Variants in DENND2A observed in about 807,000 individuals in gnomAD.
DENND2A encodes DENN domain containing 2A, also known as DENN domain-containing protein 2A.
DENND2A carries 53 observed loss-of-function variants against 105.3 expected under a neutral mutation model. The observed-to-expected ratio is 0.50, with a 90% CI of 0.40 to 0.63. The LOEUF (loss-of-function observed/expected upper bound fraction) is 0.63. DENND2A is among the 30% of genes least tolerant of loss of function. DENND2A has a pLI of 0.00. For missense variants in DENND2A, 1,138 were observed against 1,279.6 expected (o/e 0.89, Z 1.69); for synonymous variants, 522 against 508.4 (o/e 1.03, Z -0.36).
intron 9 of DENND2A, among the ~76,000 whole-genome samples, chr7:140,564,738 T>C (rs1172961659): frequency 6.6e-6 from 1 of 152,192 alleles, no homozygotes; most frequent in African/African-American, 2.4e-5. Flanking sequence ...TGGTGAGTCA[T>C]TAATTAACTA....
At chr7:140,560,913 G>A (rs971457638) in intron 9 of DENND2A, among the ~76,000 whole-genome samples, 2 of 151,692 alleles carry the variant, frequency 1.3e-5, no homozygotes, top group African/African-American at 2.4e-5. Flanking sequence ...CAGCCTGGGC[G>A]ACAGAACAAG....
intron 3 of DENND2A, among the ~76,000 whole-genome samples, chr7:140,596,934 T>C (rs10270838): frequency 0.12 from 18,776 of 152,226 alleles, 3,232 homozygotes; most frequent in African/African-American, 0.39. Flanking sequence ...GTTAATGTTG[T>C]TGTAGGAACC....
chr7:140,573,616 C>G (rs1318757508), intron 6 of DENND2A, among the ~76,000 whole-genome samples, 192 bp downstream of exon 6: 1 of 152,148 alleles, frequency 6.6e-6, no homozygotes, highest in African/African-American at 2.4e-5. Flanking sequence ...AGGAAGACCA[C>G]AGGACCACAA....
chr7:140,566,684 ATTTT>A (rs3043058), intron 9 of DENND2A, among the ~76,000 whole-genome samples: 33 of 113,214 alleles, frequency 2.9e-4, no homozygotes, highest in South Asian at 2.3e-3. Flanking sequence ...TGGCCATACT[ATTTT>A]TTTTTTTTTT....
At position 140,569,626 on chromosome 7, in the gene DENND2A, C is replaced by G. The variant is rs141096765; in HGVS notation, c.1540+19G>C. 1,551 of 1,536,520 alleles carry G rather than the reference C, an allele frequency of 1.0e-3. 19 individuals are homozygous for G. In the African/African-American group the frequency reaches 0.018, roughly 18 times the overall value. On this transcript the variant is annotated intron_variant, in intron 7 of 19. Transcript: ENST00000496613. ...TTTTCCGATTCTTGCGGGAGGAGGGCTGGTGGTGGGGGTTCTACCTTTTCC... is the reference window on the plus strand; with the variant it reads ...TTTTCCGATTCTTGCGGGAGGAGGGGTGGTGGTGGGGGTTCTACCTTTTCC...
chr7:140,640,152 C>G lies in DENND2A; in HGVS notation c.-248+352G>C, dbSNP rs943283116. ...ACACTCACACACAGACACACAAGCG[C>G]GCACACACACACACGCGCGCGCGCG... is the stretch of plus-strand genomic sequence containing the variant. On this transcript the variant is annotated intron_variant, in intron 1 of 19. Coordinates refer to ENST00000496613, the MANE Select transcript of DENND2A (RefSeq NM_015689.5). This position sits in a 1 kb window ranked among gnomAD's most constrained non-coding sequence, Gnocchi z 4.9. The G allele has an allele frequency of 6.7e-6, 1 of 149,920 alleles. No individual in the cohort carries two copies. Among genetic ancestry groups the G allele is most frequent in the Non-Finnish European group, 1.5e-5 (1 of 68,752 alleles). The allele number at this position is 149,920 out of a possible 1,614,324, so 9.3% of individuals were successfully genotyped here.
intron 5 of DENND2A, among the ~76,000 whole-genome samples, chr7:140,581,676 G>T (rs1258731516): frequency 6.6e-6 from 1 of 152,216 alleles, no homozygotes; most frequent in South Asian, 2.1e-4. Flanking sequence ...TGGATGAGCA[G>T]AATAATGAGC....
chr7:140,566,379 G>A (rs756830207), intron 9 of DENND2A, among the ~76,000 whole-genome samples: 2 of 152,022 alleles, frequency 1.3e-5, no homozygotes, highest in Admixed American at 6.6e-5. Context: ...CTGCTGACTC[G>A]CCCTGAATTC....
chr7:140,575,877 G>A (rs998605372), intron 5 of DENND2A, among the ~76,000 whole-genome samples: 1 of 151,810 alleles, frequency 6.6e-6, no homozygotes, highest in Admixed American at 6.6e-5. Flanking sequence ...GCTGAGACAG[G>A]ATAATTGCTT....
intron 1 of DENND2A, among the ~76,000 whole-genome samples, chr7:140,634,744 C>T (rs1221175176): frequency 4.6e-5 from 7 of 151,874 alleles, no homozygotes; most frequent in African/African-American, 9.7e-5. Context: ...AGGTGGTGGG[C>T]GCCTGTAGTC....
At chr7:140,611,055 TTA>T (rs1799878380) in intron 1 of DENND2A, among the ~76,000 whole-genome samples, 1 of 152,062 alleles carries the variant, frequency 6.6e-6, no homozygotes, top group African/African-American at 2.4e-5. Flanking sequence ...ATTATTATTA[TTA>T]TTTTTTGAGA....
chr7:140,635,572 G>A (rs1436888464), intron 1 of DENND2A, among the ~76,000 whole-genome samples: 1 of 152,136 alleles, frequency 6.6e-6, no homozygotes, highest in Non-Finnish European at 1.5e-5. Context: ...CTGAAGGGAT[G>A]CCTATGACCT....
At chr7:140,534,047 G>A (rs1055975734) in intron 14 of DENND2A, among the ~76,000 whole-genome samples, 1 of 150,648 alleles carries the variant, frequency 6.6e-6, no homozygotes, top group Non-Finnish European at 1.5e-5. Flanking sequence ...CCAAGTAGCT[G>A]GGATCACAGG....
At chr7:140,524,946 C>T (rs1456282576) in intron 16 of DENND2A, among the ~76,000 whole-genome samples, 1 of 144,786 alleles carries the variant, frequency 6.9e-6, no homozygotes, top group African/African-American at 2.6e-5. Flanking sequence ...AGTGCAGTGG[C>T]GTGATCTCGG....
At chr7:140,562,270 C>T (rs928396759) in intron 9 of DENND2A, among the ~76,000 whole-genome samples, 1 of 152,170 alleles carries the variant, frequency 6.6e-6, no homozygotes, top group African/African-American at 2.4e-5. Context: ...TGATGGTCAA[C>T]AAGCCTTCCC....
intron 1 of DENND2A, among the ~76,000 whole-genome samples, chr7:140,633,918 C>G (rs1461427849): frequency 1.3e-5 from 2 of 152,090 alleles, no homozygotes; most frequent in Non-Finnish European, 2.9e-5. Flanking sequence ...ACAATGCTGC[C>G]ACAAATACTC....
At chr7:140,582,267 G>A (rs968358400) in intron 5 of DENND2A, among the ~76,000 whole-genome samples, 5 of 151,958 alleles carry the variant, frequency 3.3e-5, no homozygotes, top group African/African-American at 1.2e-4. Flanking sequence ...GCTTGGCCTG[G>A]GCAGATGTTT....
chr7:140,639,572 A>T (rs1476477111), intron 1 of DENND2A, among the ~76,000 whole-genome samples: 1 of 151,888 alleles, frequency 6.6e-6, no homozygotes, highest in Non-Finnish European at 1.5e-5. Context: ...AGGAGAAGGG[A>T]TTTCTTTCTC....
chr7:140,569,538 G>T, intron 7 of DENND2A, 107 bp downstream of exon 7: 2 of 803,324 alleles, frequency 2.5e-6, no homozygotes, highest in Non-Finnish European at 4.4e-6. Flanking sequence ...CAAAGCATCA[G>T]CTTGTTCTCC....
Sources: allele counts gnomAD v4.1 joint callset (sites outside exome capture counted in the v4.1 genomes callset), GRCh38; gene constraint gnomAD v4.1.1; non-coding constraint Gnocchi (gnomAD v3.1); transcripts MANE v1.5; gene names NCBI Gene and HGNC (gene_info 2026-07-23, HGNC 2026-07-21).